The following OSBPL9 variants were observed in gnomAD, a reference collection of about 807,000 sequenced individuals.
OSBPL9 encodes oxysterol binding protein like 9, also known as oxysterol-binding protein-related protein 9.
Under a neutral mutation model 106.6 loss-of-function variants are expected in OSBPL9, and 40 were observed. The observed-to-expected ratio is 0.38, with a 90% CI of 0.29 to 0.49. OSBPL9 has a LOEUF of 0.49. Among genes scored for constraint, OSBPL9 ranks in the 20% least tolerant of loss-of-function variants. The pLI is 0.97. For missense variants in OSBPL9, 609 were observed against 887.2 expected, an observed-to-expected ratio of 0.69 and a Z score of 3.98; for synonymous variants, 269 against 295.4, an observed-to-expected ratio of 0.91 and a Z score of 0.92.
the OSBPL9 span, chr1:51,563,650 G>A: frequency 6.6e-6 from 1 of 152,190 alleles, no homozygotes; most frequent in African/African-American, 2.4e-5. Flanking sequence ...TGGCATCAGA[G>A]GCCTTTCCCA....
chr1:51,787,845 AC>A lies in OSBPL9; in HGVS notation c.*57del. The A allele has an allele frequency of 6.9e-7, 1 of 1,446,168 alleles. No homozygotes were observed. The highest frequency in any genetic ancestry group is 9.7e-7 in the Non-Finnish European group (1 of 1,029,436). 89.6% of individuals were successfully genotyped at this position (1,446,168 alleles called of 1,614,324 possible). A position where few individuals can be genotyped will look rare whatever the true frequency, so the allele number is the denominator to read the frequency against. ...TCAGGGCAGTAGGCATAATTCAGCA[AC>A]AAACAATCTTCCTTTGGGAGAAACC... On this transcript the variant is annotated 3_prime_UTR_variant, in exon 24 of 24. Transcript: ENST00000428468.
At chr1:51,592,688 G>A (rs1645282931) in intron 1 of OSBPL9, among the ~76,000 whole-genome samples, 1 of 152,202 alleles carries the variant, frequency 6.6e-6, no homozygotes, top group South Asian at 2.1e-4. Context: ...CCTGGACATA[G>A]TGCTGGATTG....
chr1:51,768,867 T>C (rs1673218027), intron 12 of OSBPL9, among the ~76,000 whole-genome samples: 1 of 152,222 alleles, frequency 6.6e-6, no homozygotes, highest in African/African-American at 2.4e-5. Flanking sequence ...GAACATCTCT[T>C]TGAAAGGGTC....
chr1:51,618,760 T>A (rs1353618013), intron 1 of OSBPL9, among the ~76,000 whole-genome samples: 1 of 152,240 alleles, frequency 6.6e-6, no homozygotes, highest in Non-Finnish European at 1.5e-5. Context: ...CTCCATTTAA[T>A]ATCCCCAGTT....
In OSBPL9 at chr1:51,772,944, G is replaced by T. The variant is rs182987848; in HGVS notation, c.1170+221G>T. On this transcript the variant is annotated intron_variant, in intron 14 of 23. Transcript: ENST00000428468. Reference sequence around the variant, plus strand: ...GAGAACAGTGTGTATGAGTTGTATGGATTAAGATTTGGTAGAGTTCTAATC... The same window carrying T: ...GAGAACAGTGTGTATGAGTTGTATGTATTAAGATTTGGTAGAGTTCTAATC... Among the ~76,000 whole-genome samples, 11 of 152,270 alleles carry T rather than the reference G, an allele frequency of 7.2e-5. No homozygotes were observed. The South Asian group carries it at 1.4e-3, about 20-fold the overall frequency.
upstream of OSBPL9, among the ~76,000 whole-genome samples, chr1:51,613,070 C>A (rs1248924568): frequency 2.6e-5 from 4 of 152,192 alleles, no homozygotes; most frequent in Non-Finnish European, 5.9e-5. Flanking sequence ...ACCTTTTGGT[C>A]AGTTTCAATG....
At chr1:51,755,340 A>G (rs756390424) in intron 8 of OSBPL9, among the ~76,000 whole-genome samples, 10 of 152,226 alleles carry the variant, frequency 6.6e-5, no homozygotes, top group African/African-American at 1.9e-4. Flanking sequence ...GCATACTTCT[A>G]TCACCGCAAA....
chr1:51,703,930 G>T (rs1024959261), intron 3 of OSBPL9, among the ~76,000 whole-genome samples: 39 of 152,140 alleles, frequency 2.6e-4, no homozygotes, highest in African/African-American at 8.7e-4. Flanking sequence ...TTATATGCTG[G>T]ATTACGTTTA....
chr1:51,672,679 A>C (rs1222014413), intron 3 of OSBPL9, among the ~76,000 whole-genome samples: 1 of 152,184 alleles, frequency 6.6e-6, no homozygotes, highest in Non-Finnish European at 1.5e-5. Flanking sequence ...AGTTCCTTTT[A>C]TATTGCTAAG....
chr1:51,765,355 A>T (rs1264480828), intron 11 of OSBPL9, among the ~76,000 whole-genome samples: 2 of 152,192 alleles, frequency 1.3e-5, no homozygotes, highest in Non-Finnish European at 2.9e-5. Flanking sequence ...AAAATATTGA[A>T]TGATAGGAAT....
chr1:51,767,936 C>CTTTTTTTTTTTTTTTTT lies in OSBPL9; in HGVS notation c.938+1966_938+1982dup, dbSNP rs869092922. On this transcript the variant is annotated intron_variant, in intron 12 of 23. Transcript: ENST00000428468. ...TATTTAAAAGAGAATTAAAGACCGT[C>CTTTTTTTTTTTTTTTTT]TTTTTTTTTTTTTTTTTTTTTTTTT... Among the ~76,000 whole-genome samples, 3 of 65,016 alleles carry CTTTTTTTTTTTTTTTTT rather than the reference C, an allele frequency of 4.6e-5. 1 individual carries two copies. The highest frequency in any genetic ancestry group is 7.3e-4 in the South Asian group (1 of 1,362). The allele number at this position is 65,016 out of a possible 152,430, so 42.7% of individuals were successfully genotyped here.
intron 3 of OSBPL9, among the ~76,000 whole-genome samples, chr1:51,673,970 C>T (rs1557671749): frequency 6.6e-6 from 1 of 151,020 alleles, no homozygotes; most frequent in Non-Finnish European, 1.5e-5. Context: ...AAGGGTGATG[C>T]TCTTGGCTTG....
chr1:51,625,160 C>T (rs1644694434), intron 1 of OSBPL9, among the ~76,000 whole-genome samples: 1 of 152,190 alleles, frequency 6.6e-6, no homozygotes, highest in Non-Finnish European at 1.5e-5. Flanking sequence ...ATCTTTGCTT[C>T]CTGTGTTGTA....
At chr1:51,580,852 C>T (rs1415979406) in intron 1 of OSBPL9, among the ~76,000 whole-genome samples, 1 of 124,942 alleles carries the variant, frequency 8.0e-6, no homozygotes, top group Non-Finnish European at 1.7e-5. Flanking sequence ...CAGAGATGAC[C>T]ATTGTTAACA....
At chr1:51,608,677 T>TG (rs72228350) in intron 2 of OSBPL9, among the ~76,000 whole-genome samples, 11,030 of 140,338 alleles carry the variant, frequency 0.079, 464 homozygotes, top group Middle Eastern at 0.16. Flanking sequence ...ATTCCTGGAT[T>TG]GGGGGGGGGG....
chr1:51,611,635 A>G (rs994584981), intron 2 of OSBPL9, among the ~76,000 whole-genome samples: 100 of 152,210 alleles, frequency 6.6e-4, no homozygotes, highest in African/African-American at 2.4e-3. Flanking sequence ...AAGGAAGGAA[A>G]CTTCCTATGG....
At position 51,777,636 on chromosome 1, in the gene OSBPL9, T is replaced by TA. The variant is rs71809618; in HGVS notation, c.1256+718_1256+719insA. ...TTGGCTGACATTGATAAATATATAT[T>TA]TTTTTTTTCTTGATGAAGATTTAAA... On this transcript the variant is annotated intron_variant, in intron 15 of 23. Coordinates refer to ENST00000428468, the MANE Select transcript of OSBPL9 (RefSeq NM_024586.6). Among the ~76,000 whole-genome samples the TA allele has an allele frequency of 3.8e-3, 503 of 132,610 alleles. 3 individuals are homozygous for TA. Among genetic ancestry groups the TA allele is most frequent in the African/African-American group, 0.018 (480 of 26,908 alleles). The allele number at this position is 132,610 out of a possible 152,430, so 87.0% of individuals were successfully genotyped here.
intron 1 of OSBPL9, among the ~76,000 whole-genome samples, chr1:51,630,816 A>AACTC (rs1308247848): frequency 6.6e-6 from 1 of 152,232 alleles, no homozygotes; most frequent in Non-Finnish European, 1.5e-5. Flanking sequence ...TCGTATTGAC[A>AACTC]CTTGGGTTTA....
intron 4 of OSBPL9, among the ~76,000 whole-genome samples, chr1:51,732,195 C>G (rs927484990): frequency 2.0e-5 from 3 of 152,156 alleles, no homozygotes; most frequent in African/African-American, 7.2e-5. Flanking sequence ...GTCAGGCACT[C>G]ACATGGTTTG....
Sources: allele counts gnomAD v4.1 joint callset (sites outside exome capture counted in the v4.1 genomes callset), GRCh38; gene constraint gnomAD v4.1.1; transcripts MANE v1.5; gene names NCBI Gene and HGNC (gene_info 2026-07-23, HGNC 2026-07-21).